The following C3orf52 variants were observed in gnomAD, a reference collection of about 807,000 sequenced individuals.
C3orf52 encodes the protein chromosome 3 open reading frame 52.
A neutral mutation model predicts 24.8 loss-of-function variants in C3orf52; 22 were observed. The observed-to-expected ratio is 0.89, with a 90% CI of 0.63 to 1.27. The LOEUF (loss-of-function observed/expected upper bound fraction) is 1.27, where lower values mean the gene tolerates loss of function less well. C3orf52 is among the 50% of genes most tolerant of loss of function. The pLI is 0.00. For missense variants in C3orf52, 265 were observed against 260.7 expected (o/e 1.02, Z -0.11); for synonymous variants, 93 against 100.2 (o/e 0.93, Z 0.43).
chr3:112,126,203 G>C (rs1398040289), intron 4 of C3orf52, among the ~76,000 whole-genome samples: 1 of 152,212 alleles, frequency 6.6e-6, no homozygotes, highest in Non-Finnish European at 1.5e-5. Flanking sequence ...CTGGAGTGAA[G>C]TGGCTAGGGT....
At position 112,117,607 on chromosome 3, in the gene C3orf52, T is replaced by C. The variant is rs909509703; in HGVS notation, c.*961T>C. On this transcript the variant is annotated 3_prime_UTR_variant, in exon 6 of 6. Transcript: ENST00000264848. ...TGTTGCCTAGTGCTACAAACCTTCC[T>C]GTGGGACTCAGTGTCTTCAGGCAAT... is the stretch of plus-strand genomic sequence containing the variant. The C allele has an allele frequency of 3.9e-5, 6 of 152,240 alleles. No homozygotes were observed. The highest frequency in any genetic ancestry group is 9.6e-5 in the African/African-American group (4 of 41,464). The allele number at this position is 152,240 out of a possible 1,614,324, so 9.4% of individuals were successfully genotyped here. A position where few individuals can be genotyped will look rare whatever the true frequency, so the allele number is the denominator to read the frequency against.
In C3orf52 at chr3:112,116,655, A is replaced by T. The variant is rs747352242; in HGVS notation, c.*9A>T. 13 of 1,591,700 alleles carry T rather than the reference A, an allele frequency of 8.2e-6. No individual in the cohort carries two copies. Among genetic ancestry groups the T allele is most frequent in the Middle Eastern group, 1.7e-4 (1 of 6,020 alleles). The stretch of plus-strand genomic sequence containing the variant: ...TTTTCTTTTTAGAATGAAGTGATGG[A>T]GGCTGGTCTCTGTCTGAAAGCAGTG... On this transcript the variant is annotated 3_prime_UTR_variant, in exon 6 of 6. Transcript: ENST00000264848.
intron 5 of C3orf52, among the ~76,000 whole-genome samples, chr3:112,113,902 T>A (rs1031474900): frequency 6.6e-6 from 1 of 152,208 alleles, no homozygotes; most frequent in Non-Finnish European, 1.5e-5. Flanking sequence ...CTGATCTCAC[T>A]TTCTGATACC....
chr3:112,086,569 C>T, intron 1 of C3orf52, 24 bp downstream of exon 1: 2 of 1,532,752 alleles, frequency 1.3e-6, no homozygotes, highest in Non-Finnish European at 1.8e-6. Flanking sequence ...GGCGCTGGCC[C>T]TAACTTGCCG....
At chr3:112,111,027 G>T (rs2074075837) in intron 4 of C3orf52, among the ~76,000 whole-genome samples, 1 of 152,164 alleles carries the variant, frequency 6.6e-6, no homozygotes, top group African/African-American at 2.4e-5. Context: ...TGGCCAACAT[G>T]GTGAAACCCC....
chr3:112,113,734 G>A (rs1367647547), intron 5 of C3orf52, among the ~76,000 whole-genome samples: 4 of 152,182 alleles, frequency 2.6e-5, no homozygotes, highest in Non-Finnish European at 5.9e-5. Flanking sequence ...AAATAGATAT[G>A]TTCTTTAATA....
At chr3:112,091,959 G>C (rs909920529) in intron 1 of C3orf52, among the ~76,000 whole-genome samples, 3 of 151,748 alleles carry the variant, frequency 2.0e-5, no homozygotes, top group Admixed American at 2.0e-4. Flanking sequence ...AGCGGAGATC[G>C]TGCTGCTGCA....
downstream of C3orf52, chr3:112,133,295 G>T: frequency 1.5e-6 from 1 of 671,440 alleles, no homozygotes. Context: ...GCTGGGGGAG[G>T]AGTGTTAGAG....
chr3:112,093,611 C>A, intron 2 of C3orf52, 122 bp downstream of exon 2: 2 of 971,854 alleles, frequency 2.1e-6, no homozygotes, highest in Non-Finnish European at 3.0e-6. Context: ...AATTTAAGAC[C>A]GGCTTGGAAT....
At chr3:112,102,793 G>C in intron 2 of C3orf52, 45 bp from the exon 3 acceptor site, 3 of 1,498,294 alleles carry the variant, frequency 2.0e-6, no homozygotes, top group Non-Finnish European at 2.7e-6. Flanking sequence ...TTATATGCAG[G>C]TGTTTACTTT....
At chr3:112,093,577 A>C in intron 2 of C3orf52, 88 bp downstream of exon 2, 1 of 1,233,248 alleles carries the variant, frequency 8.1e-7, no homozygotes, top group Non-Finnish European at 1.1e-6. Flanking sequence ...ATGTACTCAT[A>C]GCCATTTCAT....
At chr3:112,113,284 C>G (rs1301784718) in intron 5 of C3orf52, 139 bp downstream of exon 5, 1 of 647,048 alleles carries the variant, frequency 1.5e-6, no homozygotes, top group Non-Finnish European at 2.6e-6. Flanking sequence ...CTCATCCCCT[C>G]AGCAGATGGT....
chr3:112,125,303 GA>G, intron 4 of C3orf52: 2 of 1,303,872 alleles, frequency 1.5e-6, no homozygotes, highest in Non-Finnish European at 1.1e-6. Context: ...GGGGAGATTT[GA>G]AGGGAAGAGC....
intron 4 of C3orf52, among the ~76,000 whole-genome samples, chr3:112,127,717 T>C (rs1252826324): frequency 6.6e-6 from 1 of 152,220 alleles, no homozygotes; most frequent in Non-Finnish European, 1.5e-5. Context: ...AATGTGTGCT[T>C]CGGAACATGC....
intron 1 of C3orf52, 147 bp from the exon 2 acceptor site, chr3:112,093,209 ATCTC>A (rs1281005256): frequency 4.5e-6 from 3 of 673,902 alleles, no homozygotes; most frequent in Non-Finnish European, 7.0e-6. Context: ...TCTGCCTCTG[ATCTC>A]TCTTTTTGAA....
chr3:112,127,866 G>A (rs904610862), intron 4 of C3orf52: 1 of 646,582 alleles, frequency 1.5e-6, no homozygotes, highest in South Asian at 1.9e-5. Flanking sequence ...CAAATTGGAA[G>A]GATTGCTTCC....
At chr3:112,103,016 AT>A (rs2073988775) in intron 3 of C3orf52, 51 bp downstream of exon 3, 2 of 1,570,594 alleles carry the variant, frequency 1.3e-6, no homozygotes, top group Non-Finnish European at 1.7e-6. Flanking sequence ...TAGAATATGA[AT>A]TTTGCTAGAA....
At chr3:112,088,697 C>T (rs1450156215) in intron 1 of C3orf52, among the ~76,000 whole-genome samples, 1 of 151,704 alleles carries the variant, frequency 6.6e-6, no homozygotes, top group Non-Finnish European at 1.5e-5. Context: ...TATCTATCAG[C>T]ATTTAATTTA....
chr3:112,098,208 C>T (rs2073941566), intron 2 of C3orf52, among the ~76,000 whole-genome samples: 1 of 152,174 alleles, frequency 6.6e-6, no homozygotes, highest in Non-Finnish European at 1.5e-5. Flanking sequence ...TTTTTCTTCC[C>T]AAGATTACTA....
Sources: allele counts gnomAD v4.1 joint callset (sites outside exome capture counted in the v4.1 genomes callset), GRCh38; gene constraint gnomAD v4.1.1; transcripts MANE v1.5; gene names NCBI Gene and HGNC (gene_info 2026-07-23, HGNC 2026-07-21).